The following TNFRSF9 variants were observed in gnomAD, a reference collection of about 807,000 sequenced individuals.
The protein encoded by TNFRSF9 is tumor necrosis factor receptor superfamily member 9.
A neutral mutation model predicts 28.8 loss-of-function variants in TNFRSF9; 16 were observed. The ratio of observed to expected loss-of-function variants is 0.55; its 90% confidence interval spans 0.38 to 0.84. TNFRSF9 has a LOEUF of 0.84. Ranked by LOEUF, TNFRSF9 falls within the 40% of genes least tolerant of loss-of-function variation. The probability of loss-of-function intolerance (pLI) is 0.00; values close to 1 mark genes in which losing one functional copy is unlikely to be tolerated. For missense variants in TNFRSF9, 303 were observed against 315.0 expected (o/e 0.96, Z 0.29); for synonymous variants, 131 against 117.0 (o/e 1.12, Z -0.77).
chr1:7,932,936 A>G (rs527773353), intron 7 of TNFRSF9, among the ~76,000 whole-genome samples: 2 of 152,032 alleles, frequency 1.3e-5, no homozygotes, highest in Admixed American at 6.6e-5. Context: ...GCTGACCTCT[A>G]CTCACTAGAT....
chr1:7,932,518 T>C (rs1187795014), intron 7 of TNFRSF9, among the ~76,000 whole-genome samples: 2 of 152,212 alleles, frequency 1.3e-5, no homozygotes, highest in Non-Finnish European at 1.5e-5. Flanking sequence ...AATTCATTTG[T>C]TAAACCCCCT....
chr1:7,923,567 G>C (rs1192601388), intron 7 of TNFRSF9, among the ~76,000 whole-genome samples: 1 of 152,204 alleles, frequency 6.6e-6, no homozygotes, highest in African/African-American at 2.4e-5. Flanking sequence ...AACTGGGTGT[G>C]GGGGCTCACG....
At chr1:7,925,252 G>A (rs2151413188) in intron 7 of TNFRSF9, among the ~76,000 whole-genome samples, 1 of 151,534 alleles carries the variant, frequency 6.6e-6, no homozygotes, top group East Asian at 2.0e-4. Context: ...AGGCTGCAGT[G>A]AGCCAAGATC....
rs889660607 is a variant in TNFRSF9 at position 7,919,170 on chromosome 1, A to C, written c.*1665T>G. On this transcript the variant is annotated 3_prime_UTR_variant, in exon 8 of 8. Coordinates refer to ENST00000377507, the MANE Select transcript of TNFRSF9 (RefSeq NM_001561.6). The stretch of plus-strand genomic sequence containing the variant: ...CACCTAAATCCCAGAGTAAAATAAC[A>C]TGGGACAGAGGCACGCAAGCTTGCA... 3.3e-5 allele frequency: 5 copies of C among 152,132 alleles called. No individual in the cohort carries two copies. The highest frequency in any genetic ancestry group is 1.2e-4 in the African/African-American group (5 of 41,426). The allele number at this position is 152,132 out of a possible 1,614,324, so 9.4% of individuals were successfully genotyped here. A position where few individuals can be genotyped will look rare whatever the true frequency, so the allele number is the denominator to read the frequency against.
Position 7,937,695 on chromosome 1 carries a change from C to T in TNFRSF9, c.408G>A (p.Trp136Ter). The T allele has an allele frequency of 1.2e-6, 2 of 1,612,952 alleles. No homozygotes were observed. Among genetic ancestry groups the T allele is most frequent in the South Asian group, 2.2e-5 (2 of 91,010 alleles). ...NDQKRGICRP[W>*]TNCSLDGKSV... ...CTAAAGGAAATTATACGTACTTTGT[C>T]CAGGGTCGACAGATGCCACGTTTCT... is the stretch of plus-strand genomic sequence containing the variant. Residue 136 changes from tryptophan to a stop codon, truncating the protein, a stop_gained, in exon 5 of 8, where the codon TGG becomes TGA. Coordinates refer to ENST00000377507, the MANE Select transcript of TNFRSF9 (RefSeq NM_001561.6). LOFTEE classifies it high-confidence loss of function.
chr1:7,935,897 G>A (rs867697095), intron 5 of TNFRSF9, among the ~76,000 whole-genome samples: 31 of 152,146 alleles, frequency 2.0e-4, no homozygotes, highest in Admixed American at 1.2e-3. Context: ...AAGAACAAAC[G>A]AGTGAGAGTC....
chr1:7,927,414 C>T (rs572356193), intron 7 of TNFRSF9, among the ~76,000 whole-genome samples: 39 of 152,316 alleles, frequency 2.6e-4, no homozygotes, highest in Non-Finnish European at 5.0e-4. Flanking sequence ...GCTCAGGGCC[C>T]TTGTCCACTA....
At chr1:7,939,463 G>C (rs1639870036) in intron 2 of TNFRSF9, among the ~76,000 whole-genome samples, 1 of 152,092 alleles carries the variant, frequency 6.6e-6, no homozygotes. Context: ...AATATGACTG[G>C]ATCCAGGAGG....
At chr1:7,937,258 G>T (rs929505214) in intron 5 of TNFRSF9, among the ~76,000 whole-genome samples, 1 of 152,154 alleles carries the variant, frequency 6.6e-6, no homozygotes, top group Non-Finnish European at 1.5e-5. Flanking sequence ...CAACCTCCCA[G>T]ACTCAGGTGA....
At chr1:7,930,817 G>A (rs1639723121) in intron 7 of TNFRSF9, among the ~76,000 whole-genome samples, 1 of 152,054 alleles carries the variant, frequency 6.6e-6, no homozygotes, top group African/African-American at 2.4e-5. Flanking sequence ...AGAACGCAGA[G>A]GTTTAAACTG....
chr1:7,939,655 C>T (rs561684132), intron 2 of TNFRSF9, among the ~76,000 whole-genome samples: 7 of 152,314 alleles, frequency 4.6e-5, no homozygotes, highest in African/African-American at 1.7e-4. Flanking sequence ...ATTTGATCCT[C>T]CCAGCCATCC....
chr1:7,916,788 C>A lies in TNFRSF9; in HGVS notation c.*4047G>T, dbSNP rs1406974214. ...AATTGTTCTCTTATTCTTATTGGAA[C>A]ACCAGATGACTCAATTCTGTAAAAT... On this transcript the variant is annotated 3_prime_UTR_variant, in exon 8 of 8. Transcript: ENST00000377507. The A allele has an allele frequency of 6.6e-6, 1 of 152,162 alleles. No homozygotes were observed. Among genetic ancestry groups the A allele is most frequent in the African/African-American group, 2.4e-5 (1 of 41,436 alleles). The allele number at this position is 152,162 out of a possible 1,614,324, so 9.4% of individuals were successfully genotyped here.
At position 7,920,725 on chromosome 1, in the gene TNFRSF9, C is replaced by A; in HGVS notation, c.*110G>T. On this transcript the variant is annotated 3_prime_UTR_variant, in exon 8 of 8. Transcript: ENST00000377507. ...GAAAAGAACGTGTGTTGGGGGAATCCTGGGTATTATGTAGGATGGTGTTCT... is the reference window on the plus strand; with the variant it reads ...GAAAAGAACGTGTGTTGGGGGAATCATGGGTATTATGTAGGATGGTGTTCT... 1 of 848,384 alleles carries A rather than the reference C, an allele frequency of 1.2e-6. No individual in the cohort carries two copies. Among genetic ancestry groups the A allele is most frequent in the Non-Finnish European group, 1.9e-6 (1 of 514,870 alleles). 52.6% of individuals were successfully genotyped at this position (848,384 alleles called of 1,614,324 possible). A position where few individuals can be genotyped will look rare whatever the true frequency, so the allele number is the denominator to read the frequency against.
chr1:7,925,078 C>T (rs191339582), intron 7 of TNFRSF9, among the ~76,000 whole-genome samples: 1 of 151,986 alleles, frequency 6.6e-6, no homozygotes, highest in Admixed American at 6.6e-5. Context: ...CTTTGGGAGG[C>T]CGAGGTGGGC....
chr1:7,920,695 AT>A lies in TNFRSF9; in HGVS notation c.*139del. The stretch of plus-strand genomic sequence containing the variant: ...CATTTTTAAAGGCCAACTCATTGGC[AT>A]TTAGAAAAGAACGTGTGTTGGGGGA... On this transcript the variant is annotated 3_prime_UTR_variant, in exon 8 of 8. Transcript: ENST00000377507. 1.4e-6 allele frequency: 1 copy of A among 698,756 alleles called. No homozygotes were observed. The highest frequency in any genetic ancestry group is 1.8e-5 in the South Asian group (1 of 54,750). The allele number at this position is 698,756 out of a possible 1,614,324, so 43.3% of individuals were successfully genotyped here.
chr1:7,932,121 G>A (rs1639740640), intron 7 of TNFRSF9, among the ~76,000 whole-genome samples: 1 of 152,054 alleles, frequency 6.6e-6, no homozygotes, highest in Non-Finnish European at 1.5e-5. Context: ...TGGGCAACAA[G>A]AGTGAAACTC....
In TNFRSF9 at chr1:7,917,087, G is replaced by A. The variant is rs1227362958; in HGVS notation, c.*3748C>T. 1 of 152,076 alleles carries A rather than the reference G, an allele frequency of 6.6e-6. No individual in the cohort carries two copies. The allele number at this position is 152,076 out of a possible 1,614,324, so 9.4% of individuals were successfully genotyped here. A position where few individuals can be genotyped will look rare whatever the true frequency, so the allele number is the denominator to read the frequency against. On this transcript the variant is annotated 3_prime_UTR_variant, in exon 8 of 8. Transcript: ENST00000377507. ...TGGGATTACAGGCACATGCCACCAT[G>A]CCTGACTAATTTTTGTATTTTTTAG...
chr1:7,933,260 A>G lies in TNFRSF9; in HGVS notation c.581T>C (p.Leu194Pro). 1 of 1,613,904 alleles carries G rather than the reference A, an allele frequency of 6.2e-7. No homozygotes were observed. The highest frequency in any genetic ancestry group is 8.5e-7 in the Non-Finnish European group (1 of 1,179,820). The change falls in exon 7 of 8, where the codon CTG becomes CCG. Residue 194 changes from leucine to proline, a missense_variant. Transcript: ENST00000377507. ...SPQIISFFLA[L>P]TSTALLFLLF... ...CAGGAAGAGCAACGCAGTCGACGTCAGCGCAAGAAAGAAGGAGATGATCTG... is the reference window on the plus strand; with the variant it reads ...CAGGAAGAGCAACGCAGTCGACGTCGGCGCAAGAAAGAAGGAGATGATCTG...
chr1:7,938,796 A>G lies in TNFRSF9; in HGVS notation c.133T>C (p.Cys45Arg). The change falls in exon 3 of 8, where the codon TGC (cysteine) becomes CGC (arginine). Residue 45 changes from cysteine to arginine, a missense_variant. Physicochemically the swap from Cys to Arg is radical, Grantham distance 180. Transcript: ENST00000377507. ...TFCDNNRNQI[C>R]SPCPPNSFSS... ...AAACTATTTGGAGGACAGGGACTGC[A>G]AATCTGATTCCTGTTATTATCACAG... 1 of 1,613,678 alleles carries G rather than the reference A, an allele frequency of 6.2e-7. No homozygotes were observed. Among genetic ancestry groups the G allele is most frequent in the Non-Finnish European group, 8.5e-7 (1 of 1,179,706 alleles).
Sources: allele counts gnomAD v4.1 joint callset (sites outside exome capture counted in the v4.1 genomes callset), GRCh38; gene constraint gnomAD v4.1.1; transcripts MANE v1.5; gene names NCBI Gene and HGNC (gene_info 2026-07-23, HGNC 2026-07-21).